Variants in NRXN3 observed in about 807,000 individuals in gnomAD.
NRXN3 encodes neurexin 3.
NRXN3 carries 32 observed loss-of-function variants against 137.6 expected under a neutral mutation model. That is an observed-to-expected ratio of 0.23 (90% CI 0.18 to 0.31). The LOEUF (loss-of-function observed/expected upper bound fraction) is 0.31, where lower values mean the gene tolerates loss of function less well. Ranked by LOEUF, NRXN3 falls within the 10% of genes least tolerant of loss-of-function variation. NRXN3 has a pLI of 1.00. For synonymous variants in NRXN3, 798 were observed against 784.5 expected, an observed-to-expected ratio of 1.02 and a Z score of -0.29; for missense variants, 1,574 against 2,062.5, an observed-to-expected ratio of 0.76 and a Z score of 4.59.
At chr14:78,772,187 G>A (rs1189065156) in intron 8 of NRXN3, among the ~76,000 whole-genome samples, 1 of 152,082 alleles carries the variant, frequency 6.6e-6, no homozygotes, top group African/African-American at 2.4e-5. Context: ...TGCTCAACCT[G>A]TATTTATTTT....
In NRXN3 at chr14:79,787,235, ACTC is replaced by A. The variant is rs200048946; in HGVS notation, c.4015-17874_4015-17872del. Among the ~76,000 whole-genome samples the A allele has an allele frequency of 9.6e-3, 1,462 of 152,096 alleles. 21 individuals are homozygous for A. The highest frequency in any genetic ancestry group is 0.033 in the African/African-American group (1,381 of 41,494). ...AAAGCAAATGTACTCTTCCAGAGAA[ACTC>A]CTGTTCTTTTTTTAAAGTTTTATTT... On this transcript the variant is annotated intron_variant, in intron 19 of 20. Coordinates refer to ENST00000335750, the MANE Select transcript of NRXN3 (RefSeq NM_001330195.2).
intron 4 of NRXN3, among the ~76,000 whole-genome samples, chr14:78,369,696 G>T (rs562643877): frequency 8.5e-5 from 13 of 152,254 alleles, no homozygotes; most frequent in African/African-American, 3.1e-4. Context: ...GGGAAGTCAA[G>T]GTTACATTGA....
chr14:79,731,900 C>T (rs1450158002), intron 19 of NRXN3, among the ~76,000 whole-genome samples: 1 of 151,572 alleles, frequency 6.6e-6, no homozygotes, highest in African/African-American at 2.4e-5. Flanking sequence ...CTTACTGTAG[C>T]CAGATTTCTA....
At chr14:78,800,879 A>G (rs1341350356) in intron 8 of NRXN3, among the ~76,000 whole-genome samples, 1 of 152,228 alleles carries the variant, frequency 6.6e-6, no homozygotes, top group Non-Finnish European at 1.5e-5. Flanking sequence ...AGAAGAATAT[A>G]TCATGGTATC....
intron 4 of NRXN3, among the ~76,000 whole-genome samples, chr14:78,502,530 A>T (rs767042556): frequency 6.6e-6 from 1 of 152,134 alleles, no homozygotes; most frequent in African/African-American, 2.4e-5. Flanking sequence ...CAGCCTATGA[A>T]TATTCTTTTC....
At chr14:79,034,808 A>G (rs947585201) in intron 15 of NRXN3, among the ~76,000 whole-genome samples, 3 of 152,142 alleles carry the variant, frequency 2.0e-5, no homozygotes, top group African/African-American at 7.2e-5. Context: ...AACTTCTGGG[A>G]TTATATAAAA....
At chr14:78,411,403 C>T (rs1346221198) in intron 4 of NRXN3, among the ~76,000 whole-genome samples, 1 of 152,128 alleles carries the variant, frequency 6.6e-6, no homozygotes, top group Non-Finnish European at 1.5e-5. Context: ...GGGTGAGGGC[C>T]ATTTGTATTA....
chr14:78,757,487 TAGGAAAGGCTAGGCCTC>T lies in NRXN3; in HGVS notation c.2044+42358_2044+42374del, dbSNP rs1485335478. Among the ~76,000 whole-genome samples, 19 of 151,918 alleles carry T rather than the reference TAGGAAAGGCTAGGCCTC, an allele frequency of 1.3e-4. No individual in the cohort carries two copies. The South Asian group carries it at 3.1e-3, about 25-fold the overall frequency. ...CCATGTGCTAGGCAGAGCCCAGTGT[TAGGAAAGGCTAGGCCTC>T]AGGAAAGGCATAGTGTCTGTCTTCA... On this transcript the variant is annotated intron_variant, in intron 8 of 20. Transcript: ENST00000335750.
At chr14:78,498,637 C>T (rs976390241) in intron 4 of NRXN3, among the ~76,000 whole-genome samples, 1 of 152,094 alleles carries the variant, frequency 6.6e-6, no homozygotes, top group African/African-American at 2.4e-5. Context: ...TTTGTTATGA[C>T]TCATCTTAGT....
intron 19 of NRXN3, among the ~76,000 whole-genome samples, chr14:79,740,905 TACTG>T (rs2098961114): frequency 6.6e-6 from 1 of 151,078 alleles, no homozygotes; most frequent in African/African-American, 2.4e-5. Flanking sequence ...TCACCTCACA[TACTG>T]ACTAATGCTT....
At chr14:78,937,185 G>GAAAAAAAAAAAAA (rs199876825) in intron 10 of NRXN3, among the ~76,000 whole-genome samples, 1 of 98,542 alleles carries the variant, frequency 1.0e-5, no homozygotes, top group Non-Finnish European at 2.4e-5. Context: ...TCGTGCCATT[G>GAAAAAAAAAAAAA]AAAAAAAAAA....
chr14:78,281,087 C>T (rs553416645), intron 3 of NRXN3, among the ~76,000 whole-genome samples: 1 of 152,334 alleles, frequency 6.6e-6, no homozygotes, highest in South Asian at 2.1e-4. Flanking sequence ...CTTGTTGCCC[C>T]ACCAACCCCT....
At chr14:79,553,888 CT>C in intron 16 of NRXN3, among the ~76,000 whole-genome samples, 1 of 152,186 alleles carries the variant, frequency 6.6e-6, no homozygotes, top group African/African-American at 2.4e-5. Context: ...ACAGGAGATA[CT>C]TTTTAATGAA....
chr14:78,356,806 T>C (rs905622447), intron 4 of NRXN3, among the ~76,000 whole-genome samples: 3 of 152,254 alleles, frequency 2.0e-5, no homozygotes, highest in Non-Finnish European at 4.4e-5. Flanking sequence ...AAGTTTTTAT[T>C]TTATTTTTTT....
intron 5 of NRXN3, among the ~76,000 whole-genome samples, chr14:78,647,364 A>T (rs2097697629): frequency 6.6e-6 from 1 of 152,230 alleles, no homozygotes; most frequent in African/African-American, 2.4e-5. Context: ...TCTCCACCAC[A>T]GTCTCCATTT....
At chr14:78,175,431 A>C (rs2059165221) in intron 1 of NRXN3, among the ~76,000 whole-genome samples, 1 of 152,122 alleles carries the variant, frequency 6.6e-6, no homozygotes, top group Non-Finnish European at 1.5e-5. Context: ...TGTGGATAGG[A>C]GACTTGCAAA....
chr14:78,409,521 T>C lies in NRXN3; in HGVS notation c.757+111661T>C, dbSNP rs967120552. Among the ~76,000 whole-genome samples, 7 of 152,318 alleles carry C rather than the reference T, an allele frequency of 4.6e-5. No individual in the cohort carries two copies. In the South Asian group the frequency reaches 6.2e-4, roughly 14 times the overall value. ...CCTTTGCATTCAAAATTATTATCTCTCTCTCGTTCAATTTAGCTATTTCTA... is the reference window on the plus strand; with the variant it reads ...CCTTTGCATTCAAAATTATTATCTCCCTCTCGTTCAATTTAGCTATTTCTA... On this transcript the variant is annotated intron_variant, in intron 4 of 20. Transcript: ENST00000335750.
At chr14:79,804,691 T>C (rs1603545734) in intron 19 of NRXN3, among the ~76,000 whole-genome samples, 2 of 152,294 alleles carry the variant, frequency 1.3e-5, no homozygotes, top group African/African-American at 4.8e-5. Flanking sequence ...CCACACACCA[T>C]AAGGATTGAA....
chr14:79,676,507 A>G (rs1423449046), intron 17 of NRXN3, among the ~76,000 whole-genome samples: 4 of 151,858 alleles, frequency 2.6e-5, no homozygotes. Context: ...CTAATGTACA[A>G]CATAAGGACT....
Sources: allele counts gnomAD v4.1 joint callset (sites outside exome capture counted in the v4.1 genomes callset), GRCh38; gene constraint gnomAD v4.1.1; transcripts MANE v1.5; gene names NCBI Gene and HGNC (gene_info 2026-07-23, HGNC 2026-07-21).